PCDHGB3: variants seen among roughly 807,000 people sequenced by gnomAD.
PCDHGB3 encodes the protein protocadherin gamma-B3.
In PCDHGB3, 40 loss-of-function variants were observed where a neutral mutation model predicts 59.2. That is an observed-to-expected ratio of 0.68 (90% confidence interval 0.52 to 0.88). PCDHGB3 has a LOEUF of 0.88. Among genes scored for constraint, PCDHGB3 ranks in the 40% least tolerant of loss-of-function variants. The pLI is 0.00. For synonymous variants in PCDHGB3, 581 were observed against 503.6 expected, an observed-to-expected ratio of 1.15 and a Z score of -2.06; for missense variants, 1,309 against 1,187.9, an observed-to-expected ratio of 1.10 and a Z score of -1.50.
rs1200950542 is a variant in PCDHGB3, at chr5:141,409,998, G to A, written c.2415+37189G>A. 4 of 1,613,236 alleles carry A rather than the reference G, an allele frequency of 2.5e-6. No homozygotes were observed. In the Admixed American group the frequency reaches 6.7e-5, roughly 27 times the overall value. On this transcript the variant is annotated intron_variant, in intron 1 of 3. Coordinates refer to ENST00000576222, the MANE Select transcript of PCDHGB3 (RefSeq NM_018924.5). ...GTGGTAGCGGTGGACGCCGACTCGGGACACAACGCCTGGCTGTCCTACCAC... is the reference window on the plus strand; with the variant it reads ...GTGGTAGCGGTGGACGCCGACTCGGAACACAACGCCTGGCTGTCCTACCAC...
In PCDHGB3 at chr5:141,512,470, T is replaced by G. The variant is rs2099884244; in HGVS notation, c.*1297T>G. On this transcript the variant is annotated 3_prime_UTR_variant, in exon 4 of 4. Transcript: ENST00000576222. ...TTCACCTTGCCAGGTGCCGTTTCTC[T>G]TCCGTGAAGGCCACTGCCCAGGTCC... 6.5e-6 allele frequency: 1 copy of G among 152,892 alleles called. No individual in the cohort carries two copies. The highest frequency in any genetic ancestry group is 2.1e-4 in the South Asian group (1 of 4,834). 9.5% of individuals were successfully genotyped at this position (152,892 alleles called of 1,614,324 possible).
intron 1 of PCDHGB3, chr5:141,422,951 G>C (rs1382138030): frequency 3.7e-6 from 6 of 1,614,236 alleles, no homozygotes; most frequent in South Asian, 3.3e-5. Flanking sequence ...GGCTCCACTG[G>C]CGTGGAGCTG....
At chr5:141,383,101 T>G (rs1561594429) in intron 1 of PCDHGB3, 2 of 1,613,954 alleles carry the variant, frequency 1.2e-6, no homozygotes, top group Non-Finnish European at 1.7e-6. Flanking sequence ...CCGCATCATC[T>G]CCAGAGGTAG....
At chr5:141,428,792 T>A (rs1590880161) in intron 1 of PCDHGB3, 1 of 152,978 alleles carries the variant, frequency 6.5e-6, no homozygotes, top group Middle Eastern at 3.4e-3. Flanking sequence ...TTCCTTTCTG[T>A]GTGGGCCAGT....
At chr5:141,405,659 G>T (rs867774573) in intron 1 of PCDHGB3, among the ~76,000 whole-genome samples, 1 of 152,106 alleles carries the variant, frequency 6.6e-6, no homozygotes, top group East Asian at 1.9e-4. Flanking sequence ...TGTGTTTTTA[G>T]TAGAGACGGG....
chr5:141,412,385 A>G (rs1041538045), intron 1 of PCDHGB3: 8 of 152,236 alleles, frequency 5.3e-5, no homozygotes, highest in African/African-American at 1.9e-4. Flanking sequence ...AAATAGGTCC[A>G]TTTAACTTGT....
chr5:141,447,018 G>GT (rs1329161304), intron 1 of PCDHGB3, among the ~76,000 whole-genome samples: 6 of 142,194 alleles, frequency 4.2e-5, no homozygotes, highest in African/African-American at 1.6e-4. Context: ...GTTCAGTTTT[G>GT]TTTTGTTTTT....
intron 3 of PCDHGB3, among the ~76,000 whole-genome samples, chr5:141,509,781 T>TCATC (rs1198131164): frequency 6.6e-6 from 1 of 152,116 alleles, no homozygotes; most frequent in Non-Finnish European, 1.5e-5. Flanking sequence ...GTCCCCGAGA[T>TCATC]CATCATCTCC....
intron 1 of PCDHGB3, chr5:141,410,254 C>T: frequency 3.1e-6 from 5 of 1,614,020 alleles, no homozygotes; most frequent in Non-Finnish European, 3.4e-6. Flanking sequence ...TCTCTGACCC[C>T]CAGGCTGAAC....
At chr5:141,428,082 G>C (rs776612130) in intron 1 of PCDHGB3, 2 of 1,609,030 alleles carry the variant, frequency 1.2e-6, no homozygotes, top group Non-Finnish European at 8.5e-7. Flanking sequence ...GGGACACAAC[G>C]CTTGGCTGTC....
chr5:141,398,908 G>A, intron 1 of PCDHGB3: 2 of 1,613,978 alleles, frequency 1.2e-6, no homozygotes, highest in East Asian at 2.2e-5. Flanking sequence ...AGGCACCACT[G>A]TGTTGCAAGT....
rs11575965 is a variant in PCDHGB3 at position 141,430,679 on chromosome 5, T to C, written c.2415+57870T>C. 6,478 of 1,333,262 alleles carry C rather than the reference T, an allele frequency of 4.9e-3. 34 individuals carry two copies. Among genetic ancestry groups the C allele is most frequent in the Admixed American group, 9.3e-3 (354 of 37,978 alleles). 82.6% of individuals were successfully genotyped at this position (1,333,262 alleles called of 1,614,324 possible). ...CGGAGGAGCTCTGACTTCCCAACTG[T>C]CCCATTCTATGGGCGAAGGAACTGC... On this transcript the variant is annotated intron_variant, in intron 1 of 3. Coordinates refer to ENST00000576222, the MANE Select transcript of PCDHGB3 (RefSeq NM_018924.5).
chr5:141,370,467 T>C lies in PCDHGB3; in HGVS notation c.73T>C (p.Leu25=), dbSNP rs563836197. 3.3e-5 allele frequency: 53 copies of C among 1,613,232 alleles called. 2 individuals are homozygous for C. In the South Asian group the frequency reaches 4.4e-4, roughly 13 times the overall value. The change falls in exon 1 of 4, where the codon TTA becomes CTA. Residue 25 remains leucine (L), a synonymous_variant. Transcript: ENST00000576222. ...GCTATTTCTCTTCCTGCTCTCTTTG[T>C]TAGACCAGGCTCTCTCCGAACCGAT... The part of the protein sequence containing the change: ...RMLFLFLLSL[L]DQALSEPIRY...
intron 1 of PCDHGB3, chr5:141,394,332 A>T (rs1270394666): frequency 1.9e-6 from 3 of 1,614,010 alleles, no homozygotes; most frequent in Non-Finnish European, 2.5e-6. Flanking sequence ...GTATATCTCC[A>T]TCAACTCTGA....
At chr5:141,418,851 G>A (rs778281594) in intron 1 of PCDHGB3, 9 of 1,613,906 alleles carry the variant, frequency 5.6e-6, no homozygotes, top group South Asian at 2.2e-5. Context: ...TCAACACGGT[G>A]TAAAGTAATT....
chr5:141,507,097 A>G (rs1343795018), intron 3 of PCDHGB3: 1 of 152,082 alleles, frequency 6.6e-6, no homozygotes, highest in African/African-American at 2.4e-5. Flanking sequence ...TGCTCTTTCT[A>G]CTATAGGGAC....
intron 1 of PCDHGB3, among the ~76,000 whole-genome samples, chr5:141,447,535 G>T (rs1366016262): frequency 3.3e-5 from 5 of 152,162 alleles, no homozygotes; most frequent in Admixed American, 6.5e-5. Flanking sequence ...AAATTGTTGG[G>T]TTTTAATGTT....
chr5:141,453,930 T>G (rs944390811), intron 1 of PCDHGB3, among the ~76,000 whole-genome samples: 10 of 152,242 alleles, frequency 6.6e-5, no homozygotes, highest in Non-Finnish European at 1.0e-4. Flanking sequence ...AGTCACTGTG[T>G]GCCTATAATT....
At chr5:141,421,030 G>C (rs989158485) in intron 1 of PCDHGB3, 2 of 532,352 alleles carry the variant, frequency 3.8e-6, no homozygotes, top group African/African-American at 3.9e-5. Context: ...GCGCCATTGA[G>C]TCCCTCCCTC....
Sources: allele counts gnomAD v4.1 joint callset (sites outside exome capture counted in the v4.1 genomes callset), GRCh38; gene constraint gnomAD v4.1.1; transcripts MANE v1.5; gene names NCBI Gene and HGNC (gene_info 2026-07-23, HGNC 2026-07-21).